EPS8: variants seen among roughly 807,000 people sequenced by gnomAD.
EPS8 encodes the protein EGFR pathway substrate 8, signaling adaptor.
In EPS8, 42 loss-of-function variants were observed where a neutral mutation model predicts 103.8. The ratio of observed to expected loss-of-function variants is 0.40; its 90% CI spans 0.32 to 0.52. The LOEUF (loss-of-function observed/expected upper bound fraction) is 0.52, where lower values mean the gene tolerates loss of function less well. Among genes scored for constraint, EPS8 ranks in the 20% least tolerant of loss-of-function variants. The pLI is 0.40. For synonymous variants in EPS8, 344 were observed against 344.6 expected (o/e 1.00, Z 0.02); for missense variants, 969 against 1,005.1 (o/e 0.96, Z 0.49).
rs117438474 is a variant in EPS8 at position 15,632,334 on chromosome 12, G to A, written c.1822-670C>T. Among the ~76,000 whole-genome samples, 885 of 152,290 alleles carry A rather than the reference G, an allele frequency of 5.8e-3. 2 individuals carry two copies. Among genetic ancestry groups the A allele is most frequent in the Admixed American group, 0.01 (160 of 15,298 alleles). On this transcript the variant is annotated intron_variant, in intron 17 of 20. Coordinates refer to ENST00000281172, the MANE Select transcript of EPS8 (RefSeq NM_004447.6). ...CCTGTGGCCATTTGTATTAAAAAAG[G>A]TAGGTGTGACAAAATGCTTTTTAAT...
Position 15,748,114 on chromosome 12 carries a change from G to A in EPS8, c.-22+41047C>T, listed in dbSNP as rs1294671578. On this transcript the variant is annotated intron_variant, in intron 1 of 20. Transcript: ENST00000281172. The surrounding 1 kb of genome is among the most constrained non-coding windows in gnomAD (Gnocchi z 4.8). ...TATCAAAAGGTCTGTGCCAAGCCCC[G>A]CAACTTAATAACCCACAGTCAAATC... 6.6e-6 allele frequency among the ~76,000 whole-genome samples: 1 copy of A among 152,052 alleles called. No individual in the cohort carries two copies. Among genetic ancestry groups the A allele is most frequent in the East Asian group, 1.9e-4 (1 of 5,198 alleles).
chr12:15,686,070 C>G (rs1430643648), intron 1 of EPS8, among the ~76,000 whole-genome samples: 1 of 152,078 alleles, frequency 6.6e-6, no homozygotes, highest in Non-Finnish European at 1.5e-5. Flanking sequence ...ACTGCAGAGT[C>G]CACTTACAAG....
chr12:15,666,069 TAATA>T (rs1236546562), intron 7 of EPS8, among the ~76,000 whole-genome samples, 177 bp from the exon 8 acceptor site: 1 of 152,208 alleles, frequency 6.6e-6, no homozygotes, highest in East Asian at 1.9e-4. Flanking sequence ...ATAAAAAAAT[TAATA>T]GTCAGCTGAA....
Position 15,759,460 on chromosome 12 carries a change from T to C in EPS8, c.-22+29701A>G, listed in dbSNP as rs1026883198. On this transcript the variant is annotated intron_variant, in intron 1 of 20. Coordinates refer to ENST00000281172, the MANE Select transcript of EPS8 (RefSeq NM_004447.6). This position sits in a 1 kb window ranked among gnomAD's most constrained non-coding sequence, Gnocchi z 4.9. The stretch of plus-strand genomic sequence containing the variant: ...GATACTAGCACTGACAAATTAAACC[T>C]TTATACACTAAAAAGTCTTCAGTCT... Among the ~76,000 whole-genome samples the C allele has an allele frequency of 6.6e-5, 10 of 152,104 alleles. No individual in the cohort carries two copies. In the East Asian group the frequency reaches 1.9e-3, roughly 29 times the overall value.
rs1286748176 is a variant in EPS8, at chr12:15,780,486, A to ACACT, written c.-22+8674_-22+8675insAGTG. 7.7e-6 allele frequency: 1 copy of ACACT among 129,606 alleles called. No homozygotes were observed. The highest frequency in any genetic ancestry group is 1.5e-5 in the Non-Finnish European group (1 of 64,586). The allele number at this position is 129,606 out of a possible 1,614,324, so 8.0% of individuals were successfully genotyped here. On this transcript the variant is annotated intron_variant, in intron 1 of 20. Coordinates refer to ENST00000281172, the MANE Select transcript of EPS8 (RefSeq NM_004447.6). The surrounding 1 kb of genome is among the most constrained non-coding windows in gnomAD (Gnocchi z 4.1). ...TTCTGCTATGTGCTGGGATAAACAC[A>ACACT]CACACACACACACACACACACACAC...
intron 17 of EPS8, chr12:15,631,866 A>G: frequency 2.1e-6 from 1 of 485,146 alleles, no homozygotes; most frequent in East Asian, 3.4e-5. Flanking sequence ...CAAAGTCAAA[A>G]CATTAGTTAA....
chr12:15,652,598 AAAAT>A (rs1945434469), intron 13 of EPS8, among the ~76,000 whole-genome samples: 1 of 152,174 alleles, frequency 6.6e-6, no homozygotes, highest in African/African-American at 2.4e-5. Context: ...TAAAATTATA[AAAAT>A]AAAAAGATCT....
chr12:15,664,397 GA>G, intron 8 of EPS8, among the ~76,000 whole-genome samples: 1 of 151,548 alleles, frequency 6.6e-6, no homozygotes, highest in East Asian at 1.9e-4. Context: ...AAACAAAATA[GA>G]AAACAATTCA....
At chr12:15,649,510 T>C (rs1945376285) in intron 14 of EPS8, among the ~76,000 whole-genome samples, 2 of 152,088 alleles carry the variant, frequency 1.3e-5, no homozygotes, top group Admixed American at 1.3e-4. Context: ...AACTATGAAA[T>C]ACAGGCAGGG....
Position 15,710,171 on chromosome 12 carries a change from C to T in EPS8, c.-21-27199G>A, listed in dbSNP as rs58391176. Among the ~76,000 whole-genome samples the T allele has an allele frequency of 9.3e-3, 1,417 of 152,228 alleles. 23 individuals carry two copies. The highest frequency in any genetic ancestry group is 0.033 in the African/African-American group (1,360 of 41,548). ...TAAATGGTGAAATAAAGAAAAATTACTTGCATAATGAGGAAAGGCATTTTT... is the reference window on the plus strand; with the variant it reads ...TAAATGGTGAAATAAAGAAAAATTATTTGCATAATGAGGAAAGGCATTTTT... On this transcript the variant is annotated intron_variant, in intron 1 of 20. Transcript: ENST00000281172.
At chr12:15,631,395 T>C in intron 18 of EPS8, 47 bp downstream of exon 18, 1 of 1,611,260 alleles carries the variant, frequency 6.2e-7, no homozygotes, top group Non-Finnish European at 8.5e-7. Flanking sequence ...TACTTAGTAG[T>C]GCTTTTAATT....
In EPS8 at chr12:15,662,026, C is replaced by T; in HGVS notation, c.810G>A (p.Val270=). ...EMMAARIDRD[V]QILNHILDDI... ...ATCTAAAGGCGACTCCTGTACTTAC[C>T]ACATCTCTGTCAATGCGGGCTGCCA... Residue 270 remains valine (V), a splice_region_variant and synonymous_variant, in exon 9 of 21, where the codon GTG becomes GTA. Coordinates refer to ENST00000281172, the MANE Select transcript of EPS8 (RefSeq NM_004447.6). 1.2e-6 allele frequency: 2 copies of T among 1,612,566 alleles called. No homozygotes were observed. The highest frequency in any genetic ancestry group is 1.7e-6 in the Non-Finnish European group (2 of 1,178,672).
In EPS8 at chr12:15,650,857, T is replaced by C. The variant is rs1295387400; in HGVS notation, c.1400A>G (p.Gln467Arg). 1 of 1,614,136 alleles carries C rather than the reference T, an allele frequency of 6.2e-7. No homozygotes were observed. The highest frequency in any genetic ancestry group is 1.1e-5 in the South Asian group (1 of 91,072). Residue 467 changes from glutamine (Q) to arginine (R), a missense_variant, in exon 14 of 21, where the codon CAG becomes CGG. Coordinates refer to ENST00000281172, the MANE Select transcript of EPS8 (RefSeq NM_004447.6). ...AESVANVAEH[Q>R]RKQEIKRLST... ...TAATCTTTTTATTTCCTGTTTGCGC[T>C]GATGTTCTGCTACATTTGCCACAGA... is the stretch of plus-strand genomic sequence containing the variant.
chr12:15,765,779 CAT>C (rs947273649), intron 1 of EPS8, among the ~76,000 whole-genome samples: 22 of 148,870 alleles, frequency 1.5e-4, no homozygotes, highest in African/African-American at 5.4e-4. Flanking sequence ...GTTTTTGACA[CAT>C]ATCTACTTTT....
chr12:15,650,939 G>A lies in EPS8; in HGVS notation c.1318C>T (p.Pro440Ser), dbSNP rs752906948. 6.2e-7 allele frequency: 1 copy of A among 1,614,040 alleles called. No homozygotes were observed. Among genetic ancestry groups the A allele is most frequent in the South Asian group, 1.1e-5 (1 of 91,084 alleles). Residue 440 changes from proline to serine, a missense_variant, in exon 14 of 21, where the codon CCA becomes TCA. By Grantham distance (74) the Pro-to-Ser change is moderately conservative. Coordinates refer to ENST00000281172, the MANE Select transcript of EPS8 (RefSeq NM_004447.6). ...VPRFRNGWEPPMLNFMGATME... is the reference protein window; with the variant it reads ...VPRFRNGWEPSMLNFMGATME... Reference sequence around the variant, plus strand: ...GTGGCTCCCATAAAGTTCAGCATTGGGGGCTCCCAGCCATTGCGGAATCGT... The same window carrying A: ...GTGGCTCCCATAAAGTTCAGCATTGAGGGCTCCCAGCCATTGCGGAATCGT...
intron 6 of EPS8, 124 bp downstream of exon 6, chr12:15,669,263 T>G (rs1945769462): frequency 6.4e-6 from 5 of 780,090 alleles, no homozygotes; most frequent in Non-Finnish European, 7.9e-6. Flanking sequence ...TTTGTTTTCC[T>G]TACGAGATGC....
At chr12:15,710,594 T>C (rs548252532) in intron 1 of EPS8, among the ~76,000 whole-genome samples, 100 of 152,328 alleles carry the variant, frequency 6.6e-4, no homozygotes, top group Non-Finnish European at 5.4e-4. Flanking sequence ...AGTTAATATA[T>C]TTTGTACACA....
In EPS8 at chr12:15,681,258, T is replaced by G; in HGVS notation, c.104A>C (p.His35Pro). 6.4e-7 allele frequency: 1 copy of G among 1,567,232 alleles called. No individual in the cohort carries two copies. Among genetic ancestry groups the G allele is most frequent in the Non-Finnish European group, 8.7e-7 (1 of 1,151,538 alleles). The change falls in exon 3 of 21, where the codon CAT (histidine) becomes CCT (proline). Residue 35 changes from histidine to proline, a missense_variant. Coordinates refer to ENST00000281172, the MANE Select transcript of EPS8 (RefSeq NM_004447.6). Reference protein sequence around the residue: ...SPTFSQTDREHGSKTSAKALY... With the variant: ...SPTFSQTDREPGSKTSAKALY... ...GGCCTTTGCACTTGTTTTTGAACCA[T>G]GTTCTCTGTCCGTCTGGGAAAAGGT...
intron 3 of EPS8, among the ~76,000 whole-genome samples, chr12:15,679,148 A>G (rs1316824308): frequency 6.6e-6 from 1 of 152,104 alleles, no homozygotes; most frequent in Non-Finnish European, 1.5e-5. Context: ...CTAATTTGCC[A>G]TATTACTTAA....
Sources: allele counts gnomAD v4.1 joint callset (sites outside exome capture counted in the v4.1 genomes callset), GRCh38; gene constraint gnomAD v4.1.1; non-coding constraint Gnocchi (gnomAD v3.1); transcripts MANE v1.5; gene names NCBI Gene and HGNC (gene_info 2026-07-23, HGNC 2026-07-21).